Variants in STX1A observed in about 807,000 individuals in gnomAD.
STX1A encodes syntaxin-1A.
A neutral mutation model predicts 37.8 loss-of-function variants in STX1A; 4 were observed. That is an observed-to-expected ratio of 0.11 (90% CI 0.05 to 0.24). The LOEUF is 0.24. STX1A is among the 10% of genes least tolerant of loss of function. The pLI, the probability that STX1A is intolerant of heterozygous loss-of-function variation, is 1.00. For missense variants in STX1A, 251 were observed against 399.9 expected, an observed-to-expected ratio of 0.63 and a Z score of 3.18; for synonymous variants, 135 against 147.4, an observed-to-expected ratio of 0.92 and a Z score of 0.61.
intron 4 of STX1A, 129 bp from the exon 5 acceptor site, chr7:73,704,552 A>G: frequency 1.7e-6 from 2 of 1,167,838 alleles, no homozygotes; most frequent in Admixed American, 2.0e-5. Context: ...TGGTGGGATC[A>G]GTGCCAGGCA....
In STX1A at chr7:73,703,046, G is replaced by C. The variant is rs1462301251; in HGVS notation, c.541-64C>G. 30 of 1,343,654 alleles carry C rather than the reference G, an allele frequency of 2.2e-5. No homozygotes were observed. In the Admixed American group the frequency reaches 2.5e-4, roughly 11 times the overall value. 83.2% of individuals were successfully genotyped at this position (1,343,654 alleles called of 1,614,324 possible). On this transcript the variant is annotated intron_variant, in intron 7 of 9. Coordinates refer to ENST00000222812, the MANE Select transcript of STX1A (RefSeq NM_004603.4). ...CTGAGGGGCAGGGCAGAGGGCCGAG[G>C]GGGAGGGCGTTTGGGGTGGGCAGAG...
chr7:73,702,780 G>C lies in STX1A; in HGVS notation c.678+65C>G, dbSNP rs782676337. 2.5e-6 allele frequency: 4 copies of C among 1,609,152 alleles called. No individual in the cohort carries two copies. The highest frequency in any genetic ancestry group is 2.6e-6 in the Non-Finnish European group (3 of 1,176,430). On this transcript the variant is annotated intron_variant, in intron 8 of 9. Transcript: ENST00000222812. This position sits in a 1 kb window ranked among gnomAD's most constrained non-coding sequence, Gnocchi z 4.7. ...GGGCAGCGTGTCGGGCAGAAAGGGC[G>C]AGGTTAGTGCAGCCCTGGGTGCTGG...
rs1330812489 is a variant in STX1A, at chr7:73,709,319, G to C, written c.31-197C>G. Among the ~76,000 whole-genome samples the C allele has an allele frequency of 1.3e-5, 2 of 152,128 alleles. No homozygotes were observed. The highest frequency in any genetic ancestry group is 2.9e-5 in the Non-Finnish European group (2 of 67,994). On this transcript the variant is annotated intron_variant, in intron 1 of 9. Transcript: ENST00000222812. This position sits in a 1 kb window ranked among gnomAD's most constrained non-coding sequence, Gnocchi z 4.2. The stretch of plus-strand genomic sequence containing the variant: ...AGGACCACTGGGGGCCCGGCACAGA[G>C]AGAGGAACCTTGCCTGATACACTGG...
chr7:73,716,140 C>G (rs1799281367), intron 1 of STX1A, among the ~76,000 whole-genome samples: 1 of 152,258 alleles, frequency 6.6e-6, no homozygotes, highest in African/African-American at 2.4e-5. Context: ...CACCTGCACC[C>G]CAGATGAAAA....
Position 73,700,110 on chromosome 7 carries a change from G to T in STX1A, c.*297C>A, listed in dbSNP as rs867500. On this transcript the variant is annotated 3_prime_UTR_variant, in exon 10 of 10. Coordinates refer to ENST00000222812, the MANE Select transcript of STX1A (RefSeq NM_004603.4). This position sits in a 1 kb window ranked among gnomAD's most constrained non-coding sequence, Gnocchi z 4.4. ...CACCGAGTTACTGAAGGCAAGGAAG[G>T]GTGGCCTGTGTCACCCTGGCGGCCC... The T allele has an allele frequency of 8.7e-5, 42 of 482,180 alleles. 2 individuals are homozygous for T. In the South Asian group the frequency reaches 9.4e-4, roughly 11 times the overall value. 29.9% of individuals were successfully genotyped at this position (482,180 alleles called of 1,614,324 possible). A position where few individuals can be genotyped will look rare whatever the true frequency, so the allele number is the denominator to read the frequency against.
chr7:73,719,078 C>G (rs1554619174), intron 1 of STX1A, among the ~76,000 whole-genome samples: 1 of 151,858 alleles, frequency 6.6e-6, no homozygotes, highest in South Asian at 2.1e-4. Flanking sequence ...CGCCACCACC[C>G]GACGATCAGG....
At chr7:73,719,419 G>T (rs116479250) in intron 1 of STX1A, among the ~76,000 whole-genome samples, 183 bp downstream of exon 1, 2,250 of 152,272 alleles carry the variant, frequency 0.015, 61 homozygotes, top group African/African-American at 0.051. Context: ...GCCTGACCCC[G>T]AGTGGGTCCG....
At position 73,702,769 on chromosome 7, in the gene STX1A, G is replaced by A; in HGVS notation, c.678+76C>T. 3.1e-6 allele frequency: 5 copies of A among 1,603,156 alleles called. No individual in the cohort carries two copies. The highest frequency in any genetic ancestry group is 4.3e-6 in the Non-Finnish European group (5 of 1,171,986). ...CCTCCCCGGCAGGGCAGCGTGTCGG[G>A]CAGAAAGGGCGAGGTTAGTGCAGCC... On this transcript the variant is annotated intron_variant, in intron 8 of 9. Coordinates refer to ENST00000222812, the MANE Select transcript of STX1A (RefSeq NM_004603.4). The surrounding 1 kb of genome is among the most constrained non-coding windows in gnomAD (Gnocchi z 4.7).
At position 73,719,654 on chromosome 7, in the gene STX1A, C is replaced by A; in HGVS notation, c.-23G>T. 1 of 1,181,158 alleles carries A rather than the reference C, an allele frequency of 8.5e-7. No individual in the cohort carries two copies. The highest frequency in any genetic ancestry group is 1.1e-6 in the Non-Finnish European group (1 of 952,046). 73.2% of individuals were successfully genotyped at this position (1,181,158 alleles called of 1,614,324 possible). A position where few individuals can be genotyped will look rare whatever the true frequency, so the allele number is the denominator to read the frequency against. ...CATGCTCCCGGGAGTGGCAGCGGCG[C>A]CGGCTGCAGCCGTGTGAGCCCCGCA... On this transcript the variant is annotated 5_prime_UTR_variant, in exon 1 of 10. Coordinates refer to ENST00000222812, the MANE Select transcript of STX1A (RefSeq NM_004603.4).
rs542300261 is a variant in STX1A at position 73,706,586 on chromosome 7, T to G, written c.209-1362A>C. Among the ~76,000 whole-genome samples the G allele has an allele frequency of 2.8e-4, 42 of 152,236 alleles. No individual in the cohort carries two copies. The East Asian group carries it at 3.3e-3, about 12-fold the overall frequency. On this transcript the variant is annotated intron_variant, in intron 3 of 9. Transcript: ENST00000222812. The surrounding 1 kb of genome is among the most constrained non-coding windows in gnomAD (Gnocchi z 4.6). ...GTGACTCAGAACCGGTCCCTATGAC[T>G]GTGCATGACACCGCAGCAGGAGACG...
At chr7:73,703,633 T>A in intron 7 of STX1A, 122 bp downstream of exon 7, 1 of 1,178,370 alleles carries the variant, frequency 8.5e-7, no homozygotes, top group Non-Finnish European at 1.3e-6. Context: ...GACTCTTCCT[T>A]CCCTAAAACC....
chr7:73,717,047 G>A lies in STX1A; in HGVS notation c.30+2555C>T, dbSNP rs1335950565. Among the ~76,000 whole-genome samples the A allele has an allele frequency of 2.6e-5, 4 of 152,030 alleles. No homozygotes were observed. Among genetic ancestry groups the A allele is most frequent in the South Asian group, 2.1e-4 (1 of 4,832 alleles). ...CCCATCTGCAGAGGGAGAGTTGGGAGCTGGAGAAGGCTGGAGAAGGCTGGA... is the reference window on the plus strand; with the variant it reads ...CCCATCTGCAGAGGGAGAGTTGGGAACTGGAGAAGGCTGGAGAAGGCTGGA... On this transcript the variant is annotated intron_variant, in intron 1 of 9. Coordinates refer to ENST00000222812, the MANE Select transcript of STX1A (RefSeq NM_004603.4). This position sits in a 1 kb window ranked among gnomAD's most constrained non-coding sequence, Gnocchi z 4.1.
intron 1 of STX1A, among the ~76,000 whole-genome samples, chr7:73,712,453 C>T (rs529719614): frequency 6.6e-6 from 1 of 151,928 alleles, no homozygotes; most frequent in Non-Finnish European, 1.5e-5. Context: ...ATGCCACCTC[C>T]TTCCAGAAGC....
Position 73,700,645 on chromosome 7 carries a change from GAGGT to G in STX1A, c.789+81_789+84del. ...TGGGGAGCTCCTGAGAGAAGGGAGA[GAGGT>G]GGGATGGGGAGGGATGTGGGATGGT... On this transcript the variant is annotated intron_variant, in intron 9 of 9. Transcript: ENST00000222812. This position sits in a 1 kb window ranked among gnomAD's most constrained non-coding sequence, Gnocchi z 4.4. 6.4e-7 allele frequency: 1 copy of G among 1,560,500 alleles called. No individual in the cohort carries two copies. Among genetic ancestry groups the G allele is most frequent in the Non-Finnish European group, 8.7e-7 (1 of 1,144,712 alleles).
At chr7:73,707,690 T>A (rs1554617218) in intron 3 of STX1A, among the ~76,000 whole-genome samples, 1 of 152,154 alleles carries the variant, frequency 6.6e-6, no homozygotes, top group African/African-American at 2.4e-5. Flanking sequence ...TCCCAGCACT[T>A]TGGGAGGCCG....
Position 73,709,269 on chromosome 7 carries a change from C to T in STX1A, c.31-147G>A, listed in dbSNP as rs151170490. 1.1e-5 allele frequency: 8 copies of T among 703,760 alleles called. No individual in the cohort carries two copies. Among genetic ancestry groups the T allele is most frequent in the East Asian group, 2.8e-5 (1 of 35,924 alleles). The allele number at this position is 703,760 out of a possible 1,614,324, so 43.6% of individuals were successfully genotyped here. A position where few individuals can be genotyped will look rare whatever the true frequency, so the allele number is the denominator to read the frequency against. On this transcript the variant is annotated intron_variant, in intron 1 of 9. Coordinates refer to ENST00000222812, the MANE Select transcript of STX1A (RefSeq NM_004603.4). The surrounding 1 kb of genome is among the most constrained non-coding windows in gnomAD (Gnocchi z 4.2). Reference sequence around the variant, plus strand: ...GGGACAAGAACAGGCCTGGCTGTTCCGCTCCCAGCCACAGTAAGATCTGGA... The same window carrying T: ...GGGACAAGAACAGGCCTGGCTGTTCTGCTCCCAGCCACAGTAAGATCTGGA...
rs782464369 is a variant in STX1A, at chr7:73,708,693, G to A, written c.109-5C>T. 9.9e-6 allele frequency: 16 copies of A among 1,613,266 alleles called. No homozygotes were observed. The highest frequency in any genetic ancestry group is 8.3e-5 in the Admixed American group (5 of 59,952). On this transcript the variant is annotated splice_polypyrimidine_tract_variant and splice_region_variant and intron_variant, in intron 2 of 9. Coordinates refer to ENST00000222812, the MANE Select transcript of STX1A (RefSeq NM_004603.4). Reference sequence around the variant, plus strand: ...GAAGCCTCGAATCTCCTCCACCTGCGGACCAAGGCCAGGTGGTCAGGAGAA... The same window carrying A: ...GAAGCCTCGAATCTCCTCCACCTGCAGACCAAGGCCAGGTGGTCAGGAGAA...
Position 73,700,708 on chromosome 7 carries a change from T to G in STX1A, c.789+22A>C, listed in dbSNP as rs1344135351. 1.9e-6 allele frequency: 3 copies of G among 1,612,702 alleles called. No individual in the cohort carries two copies. Among genetic ancestry groups the G allele is most frequent in the Non-Finnish European group, 2.5e-6 (3 of 1,179,812 alleles). On this transcript the variant is annotated intron_variant, in intron 9 of 9. Coordinates refer to ENST00000222812, the MANE Select transcript of STX1A (RefSeq NM_004603.4). This position sits in a 1 kb window ranked among gnomAD's most constrained non-coding sequence, Gnocchi z 4.4. ...CCTAATGGGTGCTGGGGCATGGCCT[T>G]GGGCAGGGCTGGGCTACTGACCCGG...
chr7:73,700,679 G>T lies in STX1A; in HGVS notation c.789+51C>A. On this transcript the variant is annotated intron_variant, in intron 9 of 9. Transcript: ENST00000222812. This position sits in a 1 kb window ranked among gnomAD's most constrained non-coding sequence, Gnocchi z 4.4. The stretch of plus-strand genomic sequence containing the variant: ...TGGGGAGGGATGTGGGATGGTTGGG[G>T]GTCCCTAATGGGTGCTGGGGCATGG... 6.2e-7 allele frequency: 1 copy of T among 1,606,322 alleles called. No individual in the cohort carries two copies. The highest frequency in any genetic ancestry group is 8.5e-7 in the Non-Finnish European group (1 of 1,175,798).
Sources: gnomAD v4.1 joint callset for allele counts (sites outside exome capture counted in the v4.1 genomes callset) on GRCh38, gnomAD v4.1.1 for gene constraint, Gnocchi (gnomAD v3.1) non-coding constraint, MANE v1.5 for transcripts, NCBI Gene and HGNC (gene_info 2026-07-23, HGNC 2026-07-21) for gene names.